The following MLIP variants were observed in gnomAD, a reference collection of about 807,000 sequenced individuals.
MLIP encodes muscular LMNA interacting protein.
In MLIP, 79 loss-of-function variants were observed where a neutral mutation model predicts 84.8. The ratio of observed to expected loss-of-function variants is 0.93; its 90% CI spans 0.78 to 1.12. MLIP has a LOEUF of 1.12. Among genes scored for constraint, MLIP ranks in the 50% most tolerant of loss-of-function variants. MLIP has a pLI of 0.00. For missense variants in MLIP, 1,257 were observed against 1,160.6 expected, an observed-to-expected ratio of 1.08 and a Z score of -1.21; for synonymous variants, 504 against 463.0, an observed-to-expected ratio of 1.09 and a Z score of -1.14.
At chr6:54,022,059 A>G (rs1274247326) in intron 1 of MLIP, among the ~76,000 whole-genome samples, 1 of 152,190 alleles carries the variant, frequency 6.6e-6, no homozygotes, top group Non-Finnish European at 1.5e-5. Flanking sequence ...TTCCACCATA[A>G]TTGCTGTTGA....
intron 13 of MLIP, among the ~76,000 whole-genome samples, chr6:54,260,342 C>A (rs1783301029): frequency 6.6e-6 from 1 of 151,834 alleles, no homozygotes; most frequent in Non-Finnish European, 1.5e-5. Context: ...ACATTAGAAT[C>A]ATCTGTAATT....
upstream of MLIP, among the ~76,000 whole-genome samples, chr6:54,110,144 G>A (rs928900815): frequency 4.0e-5 from 6 of 151,316 alleles, no homozygotes; most frequent in Non-Finnish European, 7.4e-5. Context: ...CACAACGCCC[G>A]GCTAATTTTT....
At chr6:54,257,079 A>G (rs777053787) in intron 12 of MLIP, among the ~76,000 whole-genome samples, 10 of 152,172 alleles carry the variant, frequency 6.6e-5, no homozygotes, top group Non-Finnish European at 1.5e-4. Context: ...GATGTGTGAC[A>G]TAAAAATAAA....
chr6:54,252,935 C>A (rs1179517145), intron 12 of MLIP, among the ~76,000 whole-genome samples: 1 of 152,080 alleles, frequency 6.6e-6, no homozygotes, highest in Admixed American at 6.6e-5. Context: ...TTTAGGCATT[C>A]AGTTCATACT....
At chr6:54,056,153 A>G (rs1765648692) in intron 1 of MLIP, among the ~76,000 whole-genome samples, 1 of 152,144 alleles carries the variant, frequency 6.6e-6, no homozygotes. Flanking sequence ...CCTACCCATC[A>G]GCTTTGTTTA....
At chr6:54,084,585 T>C (rs1271434108) in intron 1 of MLIP, among the ~76,000 whole-genome samples, 4 of 152,200 alleles carry the variant, frequency 2.6e-5, no homozygotes, top group African/African-American at 9.6e-5. Flanking sequence ...TGTGTACATA[T>C]ACAATAGCTG....
intron 4 of MLIP, among the ~76,000 whole-genome samples, chr6:54,145,453 T>C (rs188648502): frequency 1.3e-5 from 2 of 152,072 alleles, no homozygotes; most frequent in African/African-American, 2.4e-5. Flanking sequence ...AGAGGAGTAG[T>C]GCATGTCATG....
intron 1 of MLIP, among the ~76,000 whole-genome samples, chr6:54,023,690 T>C (rs12195852): frequency 0.56 from 84,477 of 151,032 alleles, 25,595 homozygotes; most frequent in Non-Finnish European, 0.69. Context: ...CTGCCTCAGC[T>C]TCCCGGGTAG....
In MLIP at chr6:54,083,546, C is replaced by G. The variant is rs1181977573; in HGVS notation, c.64-37901C>G. 2.6e-6 allele frequency: 4 copies of G among 1,535,952 alleles called. No individual in the cohort carries two copies. In the Admixed American group the frequency reaches 7.8e-5, roughly 30 times the overall value. On this transcript the variant is annotated intron_variant, in intron 1 of 12. Transcript: ENST00000274897. ...ACCTTGCCGTTACAACCACTGCTTT[C>G]TTGACATCTGCTAGTTTGACACGTG... is the stretch of plus-strand genomic sequence containing the variant.
At chr6:54,088,298 A>G (rs947491048) in intron 1 of MLIP, among the ~76,000 whole-genome samples, 4 of 152,122 alleles carry the variant, frequency 2.6e-5, no homozygotes, top group Non-Finnish European at 4.4e-5. Context: ...TGGGAGCACC[A>G]ATGGATAAAT....
chr6:54,065,860 T>C (rs1358516395), intron 1 of MLIP, among the ~76,000 whole-genome samples: 1 of 97,406 alleles, frequency 1.0e-5, no homozygotes, highest in African/African-American at 2.6e-5. Flanking sequence ...ATCTTTTCAG[T>C]AGCAGAAAAT....
At chr6:54,229,281 T>C (rs1237671917) in intron 11 of MLIP, among the ~76,000 whole-genome samples, 1 of 152,094 alleles carries the variant, frequency 6.6e-6, no homozygotes, top group East Asian at 1.9e-4. Context: ...AATTCCAAAA[T>C]TGTCAAATAA....
intron 12 of MLIP, among the ~76,000 whole-genome samples, chr6:54,251,021 A>G (rs558923183): frequency 6.6e-6 from 1 of 152,154 alleles, no homozygotes; most frequent in African/African-American, 2.4e-5. Context: ...ACGTCTGTTC[A>G]CTGATTGTTA....
intron 1 of MLIP, among the ~76,000 whole-genome samples, chr6:54,115,612 T>A (rs1051184804): frequency 6.6e-6 from 1 of 152,104 alleles, no homozygotes; most frequent in Non-Finnish European, 1.5e-5. Context: ...TACTGGGTAT[T>A]ATACAAAGCA....
chr6:54,258,587 A>G (rs919985734), intron 13 of MLIP, among the ~76,000 whole-genome samples: 2 of 152,006 alleles, frequency 1.3e-5, no homozygotes, highest in Non-Finnish European at 2.9e-5. Flanking sequence ...GTAATTTACC[A>G]CATGAGGAGT....
At chr6:54,226,142 T>C (rs816383) in intron 11 of MLIP, among the ~76,000 whole-genome samples, 102,944 of 152,116 alleles carry the variant, frequency 0.68, 37,951 homozygotes, top group Non-Finnish European at 0.81. Flanking sequence ...ATTTAAGAAG[T>C]AGCTATCCCC....
chr6:54,192,484 TAAG>T (rs1168959100), intron 10 of MLIP, among the ~76,000 whole-genome samples: 1 of 152,044 alleles, frequency 6.6e-6, no homozygotes, highest in African/African-American at 2.4e-5. Flanking sequence ...TTTTTACACT[TAAG>T]TAACACTATT....
At chr6:54,166,115 A>G (rs186876380) in intron 8 of MLIP, among the ~76,000 whole-genome samples, 123 of 152,070 alleles carry the variant, frequency 8.1e-4, no homozygotes, top group African/African-American at 2.9e-3. Context: ...TGCTAAGACC[A>G]TTTGCTAAGA....
intron 5 of MLIP, among the ~76,000 whole-genome samples, chr6:54,151,405 A>G (rs757760723): frequency 2.0e-5 from 3 of 152,150 alleles, no homozygotes; most frequent in Non-Finnish European, 4.4e-5. Flanking sequence ...TCATCTGTTT[A>G]TACAATAGAC....
Sources: allele counts gnomAD v4.1 joint callset (sites outside exome capture counted in the v4.1 genomes callset), GRCh38; gene constraint gnomAD v4.1.1; transcripts MANE v1.5; gene names NCBI Gene and HGNC (gene_info 2026-07-23, HGNC 2026-07-21).